The following CDH20 variants were observed in gnomAD, a reference collection of about 807,000 sequenced individuals.
CDH20 encodes the protein cadherin 20, also known as cadherin-20.
Under a neutral mutation model 74.2 loss-of-function variants are expected in CDH20, and 29 were observed. That is an observed-to-expected ratio of 0.39 (90% CI 0.29 to 0.53). The LOEUF (loss-of-function observed/expected upper bound fraction) is 0.53. CDH20 is among the 20% of genes least tolerant of loss of function. The pLI, the probability that CDH20 is intolerant of heterozygous loss-of-function variation, is 0.69. For missense variants in CDH20, 988 were observed against 1,048.3 expected, an observed-to-expected ratio of 0.94 and a Z score of 0.79; for synonymous variants, 469 against 405.4, an observed-to-expected ratio of 1.16 and a Z score of -1.88.
intron 6 of CDH20, among the ~76,000 whole-genome samples, chr18:61,511,967 C>G (rs1466560955): frequency 1.3e-5 from 2 of 152,232 alleles, no homozygotes; most frequent in Non-Finnish European, 2.9e-5. Flanking sequence ...CCACTGACAG[C>G]TCAGTCTACG....
At chr18:61,449,544 A>C (rs1909312816) in intron 1 of CDH20, among the ~76,000 whole-genome samples, 1 of 152,112 alleles carries the variant, frequency 6.6e-6, no homozygotes, top group African/African-American at 2.4e-5. Context: ...ATATTGTCCA[A>C]GCGAATAGGT....
intron 1 of CDH20, among the ~76,000 whole-genome samples, chr18:61,484,548 C>G (rs1743459802): frequency 6.6e-6 from 1 of 152,172 alleles, no homozygotes; most frequent in Non-Finnish European, 1.5e-5. Flanking sequence ...TGGGCATGAA[C>G]TCTAGAGCAA....
chr18:61,417,006 A>G (rs1029304069), intron 1 of CDH20, among the ~76,000 whole-genome samples: 1 of 152,240 alleles, frequency 6.6e-6, no homozygotes, highest in African/African-American at 2.4e-5. Context: ...AATATTAAAA[A>G]TCTTCTCTTT....
intron 1 of CDH20, among the ~76,000 whole-genome samples, chr18:61,403,874 A>G (rs1412797196): frequency 6.6e-6 from 1 of 152,226 alleles, no homozygotes. Flanking sequence ...GAAAATGTAC[A>G]TATACACCAT....
At chr18:61,535,355 T>C (rs981309030) in intron 7 of CDH20, among the ~76,000 whole-genome samples, 3 of 152,072 alleles carry the variant, frequency 2.0e-5, no homozygotes, top group East Asian at 1.9e-4. Context: ...TGATAAAAAT[T>C]ACTTGGCCTT....
rs374837740 is a variant in CDH20 at position 61,490,634 on chromosome 18, C to A, written c.81C>A (p.Asp27Glu). 5.0e-6 allele frequency: 8 copies of A among 1,613,848 alleles called. No individual in the cohort carries two copies. The highest frequency in any genetic ancestry group is 1.7e-5 in the Admixed American group (1 of 59,974). ...GMSLYFWGLM[D>E]LTTTVLSDTP... ...CCTTGTACTTCTGGGGGCTGATGGA[C>A]CTTACGACCACCGTTCTCTCGGACA... Residue 27 changes from aspartate (D) to glutamate (E), a missense_variant, in exon 2 of 12, where the codon GAC becomes GAA. Around this residue, in one of 2 missense-constraint regions of CDH20, gnomAD observed 613 missense variants for 755.2 expected, o/e 0.81. Coordinates refer to ENST00000262717, the MANE Select transcript of CDH20 (RefSeq NM_031891.4).
chr18:61,357,069 GACA>G (rs1568108603), intron 1 of CDH20, among the ~76,000 whole-genome samples: 1 of 152,126 alleles, frequency 6.6e-6, no homozygotes. Context: ...AAATGGAAGG[GACA>G]ACAACTGTCT....
chr18:61,473,271 GATGTATCAGA>G lies in CDH20; in HGVS notation c.-152-17114_-152-17105del, dbSNP rs375471922. On this transcript the variant is annotated intron_variant, in intron 1 of 11. Transcript: ENST00000262717. ...TGACTATTAAGATTGGAATCCGTCT[GATGTATCAGA>G]ATGTATCAGAATGTATTTCCCATTA... Among the ~76,000 whole-genome samples the G allele has an allele frequency of 1.4e-3, 211 of 152,318 alleles. 1 individual carries two copies. Among genetic ancestry groups the G allele is most frequent in the African/African-American group, 4.7e-3 (195 of 41,588 alleles).
intron 1 of CDH20, among the ~76,000 whole-genome samples, chr18:61,423,998 T>A (rs1912981187): frequency 6.6e-6 from 1 of 152,196 alleles, no homozygotes; most frequent in Admixed American, 6.5e-5. Flanking sequence ...CTTCCTACGC[T>A]CATCAAAAAA....
At chr18:61,527,832 C>T (rs775725973) in intron 6 of CDH20, 135 bp from the exon 7 acceptor site, 28 of 788,876 alleles carry the variant, frequency 3.5e-5, no homozygotes, top group East Asian at 7.8e-5. Flanking sequence ...CCTTCTTTCC[C>T]GTTTACCTTT....
At position 61,503,149 on chromosome 18, in the gene CDH20, C is replaced by T; in HGVS notation, c.829+29C>T. On this transcript the variant is annotated intron_variant, in intron 5 of 11. Coordinates refer to ENST00000262717, the MANE Select transcript of CDH20 (RefSeq NM_031891.4). ...AGTACCTAACCCAAGAGAGCACAGACCTCGGGCCCAGAGGGACGCACCCGT... is the reference window on the plus strand; with the variant it reads ...AGTACCTAACCCAAGAGAGCACAGATCTCGGGCCCAGAGGGACGCACCCGT... 3 of 1,533,096 alleles carry T rather than the reference C, an allele frequency of 2.0e-6. 1 individual carries two copies. In the South Asian group the frequency reaches 3.9e-5, roughly 20 times the overall value. 95.0% of individuals were successfully genotyped at this position (1,533,096 alleles called of 1,614,324 possible). A position where few individuals can be genotyped will look rare whatever the true frequency, so the allele number is the denominator to read the frequency against.
intron 3 of CDH20, among the ~76,000 whole-genome samples, chr18:61,499,720 T>A (rs764502950): frequency 1.7e-4 from 26 of 152,202 alleles, no homozygotes; most frequent in Non-Finnish European, 3.4e-4. Context: ...CCTATTAATG[T>A]TTTTTAGTTC....
At chr18:61,423,976 T>C (rs1912980296) in intron 1 of CDH20, among the ~76,000 whole-genome samples, 1 of 152,212 alleles carries the variant, frequency 6.6e-6, no homozygotes, top group East Asian at 1.9e-4. Context: ...CTGGCAAGTA[T>C]ACCCTTCTTC....
At chr18:61,539,373 A>G (rs1912943318) in intron 9 of CDH20, among the ~76,000 whole-genome samples, 1 of 152,194 alleles carries the variant, frequency 6.6e-6, no homozygotes, top group Non-Finnish European at 1.5e-5. Context: ...TTGGAGGCTG[A>G]GGCAGGAAGA....
intron 11 of CDH20, among the ~76,000 whole-genome samples, chr18:61,552,447 TA>T (rs1440081955): frequency 1.3e-5 from 2 of 151,730 alleles, no homozygotes. Context: ...AAAGACGGAC[TA>T]GTTCTATATA....
intron 1 of CDH20, among the ~76,000 whole-genome samples, chr18:61,408,119 A>C (rs183623830): frequency 6.6e-6 from 1 of 152,354 alleles, no homozygotes; most frequent in Non-Finnish European, 1.5e-5. Flanking sequence ...GAGCTTTAAA[A>C]GCATTTTAAA....
At chr18:61,501,732 A>C (rs896645448) in intron 4 of CDH20, among the ~76,000 whole-genome samples, 1 of 152,232 alleles carries the variant, frequency 6.6e-6, no homozygotes, top group African/African-American at 2.4e-5. Flanking sequence ...TTGCAGTTAG[A>C]GACTTCTATA....
chr18:61,462,724 AG>A (rs140545583), intron 1 of CDH20, among the ~76,000 whole-genome samples: 32 of 81,518 alleles, frequency 3.9e-4, no homozygotes, highest in African/African-American at 4.2e-4. Flanking sequence ...AAAAAAAAAA[AG>A]GGGGGGGGGG....
At chr18:61,553,894 A>C (rs775754016) in intron 11 of CDH20, among the ~76,000 whole-genome samples, 13 of 152,178 alleles carry the variant, frequency 8.5e-5, no homozygotes, top group Admixed American at 2.6e-4. Context: ...ATTGGGTGTT[A>C]GGTGTAGACA....
Sources: allele counts gnomAD v4.1 joint callset (sites outside exome capture counted in the v4.1 genomes callset), GRCh38; gene constraint gnomAD v4.1.1; regional missense constraint gnomAD v4.1.1; transcripts MANE v1.5; gene names NCBI Gene and HGNC (gene_info 2026-07-23, HGNC 2026-07-21).